GCNT4: variants seen among roughly 807,000 people sequenced by gnomAD.
GCNT4 encodes glucosaminyl (N-acetyl) transferase 4.
In GCNT4, 17 loss-of-function variants were observed where a neutral mutation model predicts 31.3. The ratio of observed to expected loss-of-function variants is 0.54; its 90% CI spans 0.37 to 0.81. The LOEUF (loss-of-function observed/expected upper bound fraction) is 0.81, where lower values mean the gene tolerates loss of function less well. Ranked by LOEUF, GCNT4 falls within the 40% of genes least tolerant of loss-of-function variation. GCNT4 has a pLI of 0.00. For missense variants in GCNT4, 503 were observed against 525.5 expected, an observed-to-expected ratio of 0.96 and a Z score of 0.42; for synonymous variants, 158 against 190.6, an observed-to-expected ratio of 0.83 and a Z score of 1.41.
Position 75,029,078 on chromosome 5 carries a change from G to A in GCNT4, c.960C>T (p.Ile320=), listed in dbSNP as rs554141611. Reference sequence around the variant, plus strand: ...TAGACCAGGCAAAAAAGTCTTGAACGATGGAGTTGTTGAAAATATATTTAA... The same window carrying A: ...TAGACCAGGCAAAAAAGTCTTGAACAATGGAGTTGTTGAAAATATATTTAA... The part of the protein sequence containing the change: ...AFVKYIFNNS[I]VQDFFAWSKD... The change falls in exon 4 of 4, where the codon ATC becomes ATT. Residue 320 remains isoleucine (I), a synonymous_variant. Coordinates refer to ENST00000652361, the MANE Select transcript of GCNT4 (RefSeq NM_001366737.1). 1.5e-5 allele frequency: 24 copies of A among 1,614,164 alleles called. No homozygotes were observed. The highest frequency in any genetic ancestry group is 4.5e-5 in the East Asian group (2 of 44,888).
At chr5:75,040,486 T>A (rs1743294911) in intron 3 of GCNT4, among the ~76,000 whole-genome samples, 1 of 152,182 alleles carries the variant, frequency 6.6e-6, no homozygotes, top group Admixed American at 6.5e-5. Flanking sequence ...AAGACCTAAG[T>A]TCTAGTCTGG....
At chr5:75,021,713 T>C (rs1356666754), downstream of GCNT4, among the ~76,000 whole-genome samples, 2 of 152,324 alleles carry the variant, frequency 1.3e-5, no homozygotes, top group African/African-American at 4.8e-5. Context: ...CCCCTTTCCT[T>C]TCCTTGGAGG....
the GCNT4 span, among the ~76,000 whole-genome samples, chr5:75,017,117 C>T: frequency 6.6e-6 from 1 of 152,342 alleles, no homozygotes; most frequent in South Asian, 2.1e-4. Flanking sequence ...CAGCACCTAG[C>T]GTGATGCCTA....
chr5:75,028,248 A>G lies in GCNT4; in HGVS notation c.*428T>C, dbSNP rs73122563. On this transcript the variant is annotated 3_prime_UTR_variant, in exon 4 of 4. Transcript: ENST00000652361. Reference sequence around the variant, plus strand: ...GTGTTGGTCACAGTACTTAAACACTACTCTGAAATGGGTGGTTTATATGAT... The same window carrying G: ...GTGTTGGTCACAGTACTTAAACACTGCTCTGAAATGGGTGGTTTATATGAT... The G allele has an allele frequency of 6.1e-6, 1 of 164,058 alleles. No homozygotes were observed. Among genetic ancestry groups the G allele is most frequent in the African/African-American group, 2.4e-5 (1 of 41,450 alleles). 10.2% of individuals were successfully genotyped at this position (164,058 alleles called of 1,614,324 possible). A position where few individuals can be genotyped will look rare whatever the true frequency, so the allele number is the denominator to read the frequency against.
At chr5:75,040,021 A>G (rs1743285176) in intron 3 of GCNT4, among the ~76,000 whole-genome samples, 2 of 152,114 alleles carry the variant, frequency 1.3e-5, no homozygotes, top group African/African-American at 2.4e-5. Context: ...TAAAACTCTA[A>G]GCAACACCAG....
In GCNT4 at chr5:75,029,870, T is replaced by C. The variant is rs73765646; in HGVS notation, c.168A>G (p.Val56=). ...VEYSLSTSPF[V]RNRYTHVKDE... ...CCTTAACATGAGTGTATCTGTTTCTTACAAAAGGCGAGGTACTTAGGGAGT... is the reference window on the plus strand; with the variant it reads ...CCTTAACATGAGTGTATCTGTTTCTCACAAAAGGCGAGGTACTTAGGGAGT... The change falls in exon 4 of 4, where the codon GTA becomes GTG. Residue 56 remains valine, a synonymous_variant. Coordinates refer to ENST00000652361, the MANE Select transcript of GCNT4 (RefSeq NM_001366737.1). 3,381 of 1,614,190 alleles carry C rather than the reference T, an allele frequency of 2.1e-3. 39 individuals are homozygous for C. In the African/African-American group the frequency reaches 0.033, roughly 16 times the overall value.
chr5:75,041,516 C>T (rs1743318429), intron 3 of GCNT4, among the ~76,000 whole-genome samples: 1 of 152,240 alleles, frequency 6.6e-6, no homozygotes, highest in Admixed American at 6.5e-5. Flanking sequence ...CTATCAACCA[C>T]CTCTATAGAT....
Position 75,026,555 on chromosome 5 carries a change from A to G in GCNT4, c.*2121T>C, listed in dbSNP as rs1742947926. 2.0e-5 allele frequency: 3 copies of G among 150,504 alleles called. No homozygotes were observed. The highest frequency in any genetic ancestry group is 4.2e-4 in the South Asian group (2 of 4,766). 9.3% of individuals were successfully genotyped at this position (150,504 alleles called of 1,614,324 possible). ...TTTCGATGGGGTTGGACCTTTGCCTATACTACTACAGGTATCACTCTCTGA... is the reference window on the plus strand; with the variant it reads ...TTTCGATGGGGTTGGACCTTTGCCTGTACTACTACAGGTATCACTCTCTGA... On this transcript the variant is annotated 3_prime_UTR_variant, in exon 4 of 4. Coordinates refer to ENST00000652361, the MANE Select transcript of GCNT4 (RefSeq NM_001366737.1).
At chr5:75,038,654 A>AG (rs1215274998) in intron 3 of GCNT4, among the ~76,000 whole-genome samples, 2 of 152,124 alleles carry the variant, frequency 1.3e-5, no homozygotes, top group Non-Finnish European at 2.9e-5. Context: ...AGACGGGCAA[A>AG]GGGGGGGAGA....
At chr5:75,024,589 T>C (rs1028171271), downstream of GCNT4, among the ~76,000 whole-genome samples, 1 of 152,128 alleles carries the variant, frequency 6.6e-6, no homozygotes, top group African/African-American at 2.4e-5. Flanking sequence ...CAGAAGCTCA[T>C]CAGGAATCCT....
intron 3 of GCNT4, among the ~76,000 whole-genome samples, chr5:75,045,662 T>G (rs978606229): frequency 1.3e-5 from 2 of 152,224 alleles, no homozygotes; most frequent in Non-Finnish European, 2.9e-5. Context: ...AAACCTTATA[T>G]TCTTAGATAT....
intron 3 of GCNT4, among the ~76,000 whole-genome samples, chr5:75,040,485 G>A (rs142386025): frequency 6.6e-6 from 1 of 152,280 alleles, no homozygotes; most frequent in East Asian, 1.9e-4. Flanking sequence ...GAAGACCTAA[G>A]TTCTAGTCTG....
chr5:75,021,742 A>C (rs1233208854), downstream of GCNT4, among the ~76,000 whole-genome samples: 1 of 152,068 alleles, frequency 6.6e-6, no homozygotes, highest in East Asian at 1.9e-4. Context: ...AACTCTCTGA[A>C]GTGGTTCTTT....
At chr5:75,045,719 G>A (rs1362608267) in intron 3 of GCNT4, among the ~76,000 whole-genome samples, 2 of 152,160 alleles carry the variant, frequency 1.3e-5, no homozygotes, top group Admixed American at 6.5e-5. Context: ...CATTTACTGT[G>A]TGCCTACCAT....
At chr5:75,050,187 A>G (rs1432162127) in intron 2 of GCNT4, among the ~76,000 whole-genome samples, 1 of 152,228 alleles carries the variant, frequency 6.6e-6, no homozygotes, top group Non-Finnish European at 1.5e-5. Flanking sequence ...CGTGATTATC[A>G]TCCATGTTTC....
In GCNT4 at chr5:75,026,936, G is replaced by A. The variant is rs1029307679; in HGVS notation, c.*1740C>T. 1.3e-5 allele frequency: 2 copies of A among 152,096 alleles called. No individual in the cohort carries two copies. Among genetic ancestry groups the A allele is most frequent in the African/African-American group, 4.8e-5 (2 of 41,428 alleles). The allele number at this position is 152,096 out of a possible 1,614,324, so 9.4% of individuals were successfully genotyped here. A position where few individuals can be genotyped will look rare whatever the true frequency, so the allele number is the denominator to read the frequency against. ...GAGTTCAAGAGAAGAAAGGGAGCGA[G>A]AAGTGGTGTCAGTTGGCAGTTAGTA... is the stretch of plus-strand genomic sequence containing the variant. On this transcript the variant is annotated 3_prime_UTR_variant, in exon 4 of 4. Transcript: ENST00000652361.
chr5:75,046,343 C>G (rs1333151108), intron 3 of GCNT4, among the ~76,000 whole-genome samples: 1 of 152,096 alleles, frequency 6.6e-6, no homozygotes, highest in Non-Finnish European at 1.5e-5. Flanking sequence ...AAGGACACAG[C>G]ACAAATATTG....
Position 75,027,279 on chromosome 5 carries a change from A to G in GCNT4, c.*1397T>C, listed in dbSNP as rs1180263525. 8.1e-6 allele frequency: 1 copy of G among 123,018 alleles called. No homozygotes were observed. Among genetic ancestry groups the G allele is most frequent in the South Asian group, 2.5e-4 (1 of 3,950 alleles). 7.6% of individuals were successfully genotyped at this position (123,018 alleles called of 1,614,324 possible). A position where few individuals can be genotyped will look rare whatever the true frequency, so the allele number is the denominator to read the frequency against. On this transcript the variant is annotated 3_prime_UTR_variant, in exon 4 of 4. Coordinates refer to ENST00000652361, the MANE Select transcript of GCNT4 (RefSeq NM_001366737.1). ...ATATAATATATATTCATTATATGTT[A>G]TATAATATATATTTATATATATATA...
intron 3 of GCNT4, chr5:75,030,332 C>A (rs983024476): frequency 4.5e-5 from 13 of 289,430 alleles, no homozygotes; most frequent in Non-Finnish European, 8.2e-5. Context: ...CTTATATTGT[C>A]TGCATTTCTG....
Sources: allele counts gnomAD v4.1 joint callset (sites outside exome capture counted in the v4.1 genomes callset), GRCh38; gene constraint gnomAD v4.1.1; transcripts MANE v1.5; gene names NCBI Gene and HGNC (gene_info 2026-07-23, HGNC 2026-07-21).